Variants in PCDH9 observed in about 807,000 individuals in gnomAD.
PCDH9 encodes protocadherin 9, also known as protocadherin-9.
A neutral mutation model predicts 70.6 loss-of-function variants in PCDH9; 24 were observed. The ratio of observed to expected loss-of-function variants is 0.34; its 90% confidence interval spans 0.25 to 0.48. The LOEUF is 0.48. PCDH9 is among the 20% of genes least tolerant of loss of function. The pLI is 0.99. For missense variants in PCDH9, 1,281 were observed against 1,503.6 expected, an observed-to-expected ratio of 0.85 and a Z score of 2.45; for synonymous variants, 562 against 558.5, an observed-to-expected ratio of 1.01 and a Z score of -0.09.
intron 4 of PCDH9, among the ~76,000 whole-genome samples, chr13:66,330,568 A>C (rs1209940732): frequency 6.6e-6 from 1 of 152,148 alleles, no homozygotes; most frequent in Non-Finnish European, 1.5e-5. Flanking sequence ...AGGTGAAAGG[A>C]GGAAAATGTA....
intron 2 of PCDH9, among the ~76,000 whole-genome samples, chr13:67,176,303 T>C (rs2138464643): frequency 6.6e-6 from 1 of 152,152 alleles, no homozygotes; most frequent in East Asian, 1.9e-4. Flanking sequence ...ATAAAGCAAA[T>C]TGCTCAGGGG....
intron 3 of PCDH9, among the ~76,000 whole-genome samples, chr13:66,710,658 A>T (rs1047235585): frequency 6.6e-6 from 1 of 152,164 alleles, no homozygotes; most frequent in African/African-American, 2.4e-5. Context: ...TTACATTTTC[A>T]TAGGTCAGAA....
intron 4 of PCDH9, among the ~76,000 whole-genome samples, chr13:66,441,167 C>T (rs138628916): frequency 3.2e-3 from 481 of 152,236 alleles, no homozygotes; most frequent in South Asian, 0.011. Flanking sequence ...TAAAATAATT[C>T]TTTGGATGTT....
At chr13:67,091,688 A>G (rs982813905) in intron 2 of PCDH9, among the ~76,000 whole-genome samples, 2 of 152,164 alleles carry the variant, frequency 1.3e-5, no homozygotes, top group Admixed American at 6.6e-5. Context: ...ATTAATACCA[A>G]TGTAATCATT....
intron 3 of PCDH9, among the ~76,000 whole-genome samples, chr13:66,730,297 G>T (rs1485187820): frequency 6.6e-6 from 1 of 151,824 alleles, no homozygotes; most frequent in African/African-American, 2.4e-5. Context: ...CTTTTTCATA[G>T]CATGTTTGCA....
intron 3 of PCDH9, among the ~76,000 whole-genome samples, chr13:66,713,382 C>T (rs1419170414): frequency 6.6e-6 from 1 of 151,372 alleles, no homozygotes; most frequent in African/African-American, 2.4e-5. Context: ...AAAGTAGTGG[C>T]CAGACATAGC....
intron 2 of PCDH9, among the ~76,000 whole-genome samples, chr13:67,171,523 A>G (rs1018003945): frequency 2.6e-5 from 4 of 152,224 alleles, no homozygotes; most frequent in Non-Finnish European, 4.4e-5. Context: ...TGAGCTATCT[A>G]TGATTTCATT....
At chr13:67,075,018 G>T in intron 2 of PCDH9, among the ~76,000 whole-genome samples, 1 of 151,608 alleles carries the variant, frequency 6.6e-6, no homozygotes. Context: ...AATGGAATAT[G>T]GATCAATTGT....
chr13:66,761,391 C>T (rs566246420), intron 3 of PCDH9, among the ~76,000 whole-genome samples: 1 of 152,132 alleles, frequency 6.6e-6, no homozygotes, highest in Non-Finnish European at 1.5e-5. Context: ...ATTTATATTT[C>T]TCTGGGTTTG....
At chr13:66,939,562 G>A (rs554653284) in intron 2 of PCDH9, among the ~76,000 whole-genome samples, 67 of 151,690 alleles carry the variant, frequency 4.4e-4, no homozygotes, top group African/African-American at 4.1e-4. Context: ...TCAGTCTCCC[G>A]AGTAGCTGGG....
intron 4 of PCDH9, among the ~76,000 whole-genome samples, chr13:66,397,951 T>C (rs1452857051): frequency 6.6e-6 from 1 of 151,952 alleles, no homozygotes; most frequent in Admixed American, 6.6e-5. Flanking sequence ...ATTATATATA[T>C]TGAAATTATA....
rs191544851 is a variant in PCDH9, at chr13:67,108,292, T to C, written c.3036+117113A>G. ...GCAAATTGATATGCCAAGGATCCCA[T>C]GACAGTATAGTATAGGTAATGCAGT... On this transcript the variant is annotated intron_variant, in intron 2 of 4. Coordinates refer to ENST00000377865, the MANE Select transcript of PCDH9 (RefSeq NM_203487.3). 3.3e-3 allele frequency among the ~76,000 whole-genome samples: 508 copies of C among 152,302 alleles called. 4 individuals carry two copies. Among genetic ancestry groups the C allele is most frequent in the African/African-American group, 0.011 (455 of 41,570 alleles).
At chr13:66,445,933 A>G (rs1052242357) in intron 4 of PCDH9, among the ~76,000 whole-genome samples, 9 of 151,602 alleles carry the variant, frequency 5.9e-5, no homozygotes, top group African/African-American at 2.2e-4. Context: ...TTCGATGCCA[A>G]TTTCTAAGCA....
intron 2 of PCDH9, among the ~76,000 whole-genome samples, chr13:67,132,566 G>A (rs2087133691): frequency 6.6e-6 from 1 of 152,018 alleles, no homozygotes; most frequent in Non-Finnish European, 1.5e-5. Flanking sequence ...CAAATAGGTG[G>A]TAACATATAG....
intron 2 of PCDH9, among the ~76,000 whole-genome samples, chr13:66,911,056 C>G (rs1315098578): frequency 6.6e-6 from 1 of 152,166 alleles, no homozygotes; most frequent in Non-Finnish European, 1.5e-5. Context: ...TGAATTTATT[C>G]TCCTTTTCTC....
At chr13:66,793,762 CTG>C (rs1186604204) in intron 3 of PCDH9, among the ~76,000 whole-genome samples, 1 of 152,096 alleles carries the variant, frequency 6.6e-6, no homozygotes, top group Non-Finnish European at 1.5e-5. Context: ...ACTTTAACAT[CTG>C]TTGTGCTTGA....
intron 2 of PCDH9, among the ~76,000 whole-genome samples, chr13:66,969,164 G>A (rs555741760): frequency 6.6e-6 from 1 of 152,078 alleles, no homozygotes; most frequent in East Asian, 1.9e-4. Context: ...TCTCGCTACT[G>A]TGAATACCGC....
intron 3 of PCDH9, among the ~76,000 whole-genome samples, chr13:66,821,508 A>G (rs2139381675): frequency 6.6e-6 from 1 of 152,310 alleles, no homozygotes; most frequent in Non-Finnish European, 1.5e-5. Flanking sequence ...TCTCCTACCA[A>G]GTACTTAGTC....
chr13:66,978,806 ATG>A (rs1449919094), intron 2 of PCDH9, among the ~76,000 whole-genome samples: 1 of 49,822 alleles, frequency 2.0e-5, no homozygotes, highest in African/African-American at 5.8e-5. Flanking sequence ...ACATAAATGT[ATG>A]TATATATGTG....
Sources: gnomAD v4.1 joint callset for allele counts (sites outside exome capture counted in the v4.1 genomes callset) on GRCh38, gnomAD v4.1.1 for gene constraint, MANE v1.5 for transcripts, NCBI Gene and HGNC (gene_info 2026-07-23, HGNC 2026-07-21) for gene names.